GEMIN8: variants seen among roughly 807,000 people sequenced by gnomAD.
The protein encoded by GEMIN8 is gem nuclear organelle associated protein 8.
For synonymous variants in GEMIN8, 80 were observed against 78.5 expected (o/e 1.02, Z -0.10); for missense variants, 185 against 205.9 (o/e 0.90, Z 0.62).
At chrX:13,986,670 C>A in the GEMIN8 span, among the ~76,000 whole-genome samples, 1 of 112,343 alleles carries the variant, frequency 8.9e-6, no homozygotes, top group Non-Finnish European at 1.9e-5. Context: ...TTTGCTCACA[C>A]CTCATTGGTC....
intron 2 of GEMIN8, among the ~76,000 whole-genome samples, chrX:14,021,806 A>ATGTG (rs199501000): frequency 2.1e-5 from 1 of 47,994 alleles, no homozygotes; most frequent in African/African-American, 1.0e-4. Flanking sequence ...TTAGTAGTTA[A>ATGTG]TGTGTGTGTA....
chrX:14,001,695 A>AT, the GEMIN8 span, among the ~76,000 whole-genome samples: 2 of 111,555 alleles, frequency 1.8e-5, no homozygotes, highest in Non-Finnish European at 3.8e-5. Flanking sequence ...TAATTTTTGT[A>AT]TTTTTTGTGG....
the GEMIN8 span, among the ~76,000 whole-genome samples, chrX:13,999,244 T>C: frequency 9.1e-6 from 1 of 110,052 alleles, no homozygotes; most frequent in Non-Finnish European, 1.9e-5. Flanking sequence ...CATATTCCTG[T>C]TAAATAAAGC....
chrX:14,011,516 CTTTTTTTTT>C (rs575651297), intron 4 of GEMIN8, among the ~76,000 whole-genome samples: 106 of 60,379 alleles, frequency 1.8e-3, no homozygotes, highest in African/African-American at 5.5e-3. Flanking sequence ...CTATGGCTCT[CTTTTTTTTT>C]TTTTTTTTTT....
chrX:13,993,131 T>C, the GEMIN8 span, among the ~76,000 whole-genome samples: 1 of 112,411 alleles, frequency 8.9e-6, no homozygotes, highest in South Asian at 3.7e-4. Flanking sequence ...ACAGATACTA[T>C]AAACATATTT....
At chrX:14,019,793 T>C (rs1924178382) in intron 4 of GEMIN8, among the ~76,000 whole-genome samples, 1 of 110,488 alleles carries the variant, frequency 9.1e-6, no homozygotes, top group Non-Finnish European at 1.9e-5. Flanking sequence ...CAAGCATGCA[T>C]GCATACACAC....
chrX:14,005,022 A>C (rs1424070740), downstream of GEMIN8, among the ~76,000 whole-genome samples: 3 of 111,771 alleles, frequency 2.7e-5, no homozygotes, highest in Non-Finnish European at 3.8e-5. Context: ...ATTGTGAGAT[A>C]ATAAAAAATA....
intron 4 of GEMIN8, among the ~76,000 whole-genome samples, chrX:14,019,567 A>G (rs1228798369): frequency 1.8e-5 from 2 of 111,858 alleles, no homozygotes; most frequent in African/African-American, 6.5e-5. Flanking sequence ...TGGCAAAAGT[A>G]TTTTAGGAAC....
rs1188226114 is a variant in GEMIN8, at chrX:14,020,429, C to A, written c.121G>T (p.Ala41Ser). 3.3e-6 allele frequency: 4 copies of A among 1,202,973 alleles called. No individual in the cohort carries two copies. The East Asian group carries it at 1.2e-4, about 36-fold the overall frequency. The change falls in exon 4 of 5, where the codon GCC (alanine) becomes TCC (serine). Residue 41 changes from alanine (A) to serine (S), a missense_variant. By Grantham distance (99) the Ala-to-Ser change is moderately conservative. Transcript: ENST00000680255. Reference protein sequence around the residue: ...AMAWMQSHHNAYRKAVESCFN... With the variant: ...AMAWMQSHHNSYRKAVESCFN... ...CAGGATTCCACGGCCTTCCTGTAGG[C>A]ATTGTGATGGCTTTGCATCCAAGCC...
chrX:14,008,971 T>C lies in GEMIN8; in HGVS notation c.671A>G (p.Asp224Gly). ...GGGCTGCTTTCGGTCACAGTGCTTG[T>C]CAAAGCTCAGCTGCACCGCGGCCTC... ...AMEAAVQLSF[D>G]KHCDRKQPKY... Residue 224 changes from aspartate to glycine, a missense_variant, in exon 5 of 5, where the codon GAC becomes GGC. By Grantham distance (94) the Asp-to-Gly change is moderately conservative. Transcript: ENST00000680255. The C allele has an allele frequency of 8.3e-7, 1 of 1,210,657 alleles. No homozygotes were observed.
rs1018314499 is a variant in GEMIN8 at position 14,006,851 on chromosome X, G to T, written c.*2062C>A. The stretch of plus-strand genomic sequence containing the variant: ...AACACTCATTTTAAGGATAAGGAAG[G>T]AACCAGAAGCACTGAGAGGTGAAGC... On this transcript the variant is annotated 3_prime_UTR_variant, in exon 5 of 5. Coordinates refer to ENST00000680255, the MANE Select transcript of GEMIN8 (RefSeq NM_001042479.2). 8.9e-6 allele frequency among the ~76,000 whole-genome samples: 1 copy of T among 111,789 alleles called. No homozygotes were observed. The highest frequency in any genetic ancestry group is 1.9e-5 in the Non-Finnish European group (1 of 53,214).
chrX:13,999,939 CA>C, the GEMIN8 span, among the ~76,000 whole-genome samples: 1 of 111,591 alleles, frequency 9.0e-6, no homozygotes, highest in Non-Finnish European at 1.9e-5. Flanking sequence ...CAGGTTCTTC[CA>C]AAAGCTGTTA....
intron 3 of GEMIN8, 48 bp downstream of exon 3, chrX:14,021,415 CT>C: frequency 1.4e-6 from 1 of 736,092 alleles, no homozygotes; most frequent in Non-Finnish European, 2.1e-6. Flanking sequence ...TAAAGTTTAC[CT>C]TTTTTACTTA....
chrX:14,019,954 G>T, intron 4 of GEMIN8, 124 bp downstream of exon 4: 4 of 419,789 alleles, frequency 9.5e-6, no homozygotes, highest in Non-Finnish European at 1.6e-5. Context: ...CCAGGCTTAG[G>T]ACTGGATTTG....
chrX:14,005,851 C>T (rs1923135264), downstream of GEMIN8, among the ~76,000 whole-genome samples: 1 of 111,171 alleles, frequency 9.0e-6, no homozygotes, highest in Non-Finnish European at 1.9e-5. Context: ...CCCCTGACAT[C>T]TGGTGTCAGA....
the GEMIN8 span, among the ~76,000 whole-genome samples, chrX:13,994,156 T>C: frequency 8.9e-6 from 1 of 111,927 alleles, no homozygotes; most frequent in Non-Finnish European, 1.9e-5. Flanking sequence ...GATTCTGCTT[T>C]AATTGGTCTA....
the GEMIN8 span, among the ~76,000 whole-genome samples, chrX:14,001,613 T>C: frequency 9.0e-6 from 1 of 111,601 alleles, no homozygotes; most frequent in African/African-American, 3.2e-5. Flanking sequence ...CTCCACCTCC[T>C]GGGTTCAAGT....
intron 2 of GEMIN8, among the ~76,000 whole-genome samples, chrX:14,024,595 T>A (rs772881942): frequency 1.8e-5 from 2 of 111,177 alleles, no homozygotes; most frequent in South Asian, 7.7e-4. Flanking sequence ...GTAGAAGGGC[T>A]GCTATGTTAG....
At chrX:14,004,083 G>A (rs1419966684), downstream of GEMIN8, among the ~76,000 whole-genome samples, 1 of 112,178 alleles carries the variant, frequency 8.9e-6, no homozygotes, top group Non-Finnish European at 1.9e-5. Flanking sequence ...TGAAGTTGGG[G>A]TGTATGTGTG....
Sources: gnomAD v4.1 joint callset for allele counts (sites outside exome capture counted in the v4.1 genomes callset) on GRCh38, gnomAD v4.1.1 for gene constraint, MANE v1.5 for transcripts, NCBI Gene and HGNC (gene_info 2026-07-23, HGNC 2026-07-21) for gene names.